Variants in NAALADL2 observed in about 807,000 individuals in gnomAD.
NAALADL2 encodes the protein N-acetylated alpha-linked acidic dipeptidase like 2, also known as inactive N-acetylated-alpha-linked acidic dipeptidase-like protein 2.
NAALADL2 carries 76 observed loss-of-function variants against 87.2 expected under a neutral mutation model. The ratio of observed to expected loss-of-function variants is 0.87; its 90% CI spans 0.72 to 1.05. NAALADL2 has a LOEUF of 1.05. Among genes scored for constraint, NAALADL2 ranks in the 50% least tolerant of loss-of-function variants. NAALADL2 has a pLI of 0.00. For synonymous variants in NAALADL2, 354 were observed against 331.0 expected, an observed-to-expected ratio of 1.07 and a Z score of -0.75; for missense variants, 1,089 against 945.8, an observed-to-expected ratio of 1.15 and a Z score of -1.99.
At chr3:174,882,828 CACGTGTGTATATGTGCATATGTGTATAT>C (rs1729566789) in intron 1 of NAALADL2, among the ~76,000 whole-genome samples, 1 of 142,908 alleles carries the variant, frequency 7.0e-6, no homozygotes, top group Non-Finnish European at 1.5e-5. Flanking sequence ...TGTATATATA[CACGTGTGTATATGTGCATATGTGTATAT>C]ATACATATGT....
chr3:174,818,124 T>C (rs17512678), intron 3 of NAALADL2, among the ~76,000 whole-genome samples: 2,373 of 152,286 alleles, frequency 0.016, 34 homozygotes, highest in Non-Finnish European at 0.018. Context: ...CACTCTGTTA[T>C]GCATCTTTAC....
chr3:174,537,214 T>A (rs1008715195), intron 1 of NAALADL2, among the ~76,000 whole-genome samples: 1 of 152,134 alleles, frequency 6.6e-6, no homozygotes, highest in Non-Finnish European at 1.5e-5. Context: ...TAAATTAATA[T>A]GGATTTGGAA....
chr3:175,705,985 AAAT>A (rs1328063944), intron 11 of NAALADL2, among the ~76,000 whole-genome samples: 1 of 152,178 alleles, frequency 6.6e-6, no homozygotes. Context: ...CGGCTTAATC[AAAT>A]AATAACCTTG....
rs1477130661 is a variant in NAALADL2, at chr3:175,162,392, C to T, written c.545+65101C>T. 3.3e-5 allele frequency among the ~76,000 whole-genome samples: 5 copies of T among 151,952 alleles called. 1 individual carries two copies. The highest frequency in any genetic ancestry group is 1.2e-4 in the African/African-American group (5 of 41,362). On this transcript the variant is annotated intron_variant, in intron 2 of 13. Coordinates refer to ENST00000454872, the MANE Select transcript of NAALADL2 (RefSeq NM_207015.3). ...AATAATGCAAACTACAGGTTGAAGT[C>T]GTATCAGTATGTTTAATATTTTATA...
chr3:174,496,745 T>G (rs1560015509), intron 1 of NAALADL2, among the ~76,000 whole-genome samples: 1 of 152,040 alleles, frequency 6.6e-6, no homozygotes, highest in Admixed American at 6.6e-5. Flanking sequence ...TAAATAACAG[T>G]GAACTCAAGT....
At chr3:174,879,218 C>G (rs1309319867) in intron 1 of NAALADL2, among the ~76,000 whole-genome samples, 1 of 151,950 alleles carries the variant, frequency 6.6e-6, no homozygotes, top group African/African-American at 2.4e-5. Flanking sequence ...TAAGATAAAT[C>G]TACTTATTAA....
intron 1 of NAALADL2, among the ~76,000 whole-genome samples, chr3:174,918,285 A>T (rs1204549924): frequency 1.3e-5 from 2 of 152,064 alleles, no homozygotes; most frequent in East Asian, 1.9e-4. Context: ...TGCATACTAT[A>T]AAAAAATATA....
At chr3:174,883,053 G>A (rs564877019) in intron 1 of NAALADL2, among the ~76,000 whole-genome samples, 2 of 152,134 alleles carry the variant, frequency 1.3e-5, no homozygotes, top group South Asian at 4.2e-4. Flanking sequence ...GGAGTCCGAT[G>A]TTCAAGGGCA....
At chr3:174,840,669 T>C (rs1288901788) in intron 3 of NAALADL2, among the ~76,000 whole-genome samples, 1 of 152,130 alleles carries the variant, frequency 6.6e-6, no homozygotes, top group Non-Finnish European at 1.5e-5. Context: ...ATTTCATAGG[T>C]ATCTCCCCAT....
chr3:175,303,751 A>G (rs1461762656), intron 4 of NAALADL2, among the ~76,000 whole-genome samples: 1 of 152,190 alleles, frequency 6.6e-6, no homozygotes. Context: ...TATTTTTCAC[A>G]GGTTAGAAAT....
At chr3:174,733,649 G>A (rs997428221) in intron 2 of NAALADL2, among the ~76,000 whole-genome samples, 2 of 152,164 alleles carry the variant, frequency 1.3e-5, no homozygotes, top group Non-Finnish European at 2.9e-5. Flanking sequence ...TTCAGTTTGG[G>A]TCCTGCTGCT....
At chr3:174,869,544 C>G (rs1727544481) in intron 1 of NAALADL2, among the ~76,000 whole-genome samples, 1 of 152,096 alleles carries the variant, frequency 6.6e-6, no homozygotes, top group African/African-American at 2.4e-5. Flanking sequence ...CGCTGGATTA[C>G]AGAGAGTCGG....
Position 174,710,852 on chromosome 3 carries a change from GA to G in NAALADL2, c.-114-26788del, listed in dbSNP as rs1730560940. Among the ~76,000 whole-genome samples, 4 of 152,266 alleles carry G rather than the reference GA, an allele frequency of 2.6e-5. No individual in the cohort carries two copies. In the South Asian group the frequency reaches 8.3e-4, roughly 32 times the overall value. On this transcript the variant is annotated intron_variant, in intron 2 of 3. Transcript: ENST00000434257. ...TACAGAGAATTACTCAGCCTAGCGA[GA>G]GCCTTGATTTCAGCCTTGCTATTTA...
intron 1 of NAALADL2, among the ~76,000 whole-genome samples, chr3:174,961,694 C>T (rs927197514): frequency 6.6e-6 from 1 of 151,950 alleles, no homozygotes; most frequent in African/African-American, 2.4e-5. Context: ...TATTATTAGC[C>T]ATTTGAGGGG....
At chr3:174,797,414 C>A (rs1033076113) in intron 3 of NAALADL2, among the ~76,000 whole-genome samples, 1 of 142,734 alleles carries the variant, frequency 7.0e-6, no homozygotes, top group Non-Finnish European at 1.5e-5. Flanking sequence ...CGGGTTCAAG[C>A]GATTCTCCTG....
intron 9 of NAALADL2, among the ~76,000 whole-genome samples, chr3:175,546,358 G>T (rs1162436705): frequency 6.6e-6 from 1 of 152,066 alleles, no homozygotes; most frequent in African/African-American, 2.4e-5. Context: ...GCCACTCTGT[G>T]TCTTTTAATT....
At chr3:175,187,644 C>CT (rs995345230) in intron 2 of NAALADL2, among the ~76,000 whole-genome samples, 14 of 151,362 alleles carry the variant, frequency 9.2e-5, no homozygotes, top group South Asian at 4.2e-4. Flanking sequence ...GAAGACACAT[C>CT]TTTTTTTTTA....
intron 1 of NAALADL2, among the ~76,000 whole-genome samples, chr3:174,541,446 G>A (rs1376203127): frequency 6.6e-6 from 1 of 152,262 alleles, no homozygotes; most frequent in African/African-American, 2.4e-5. Context: ...AAAGGTGATG[G>A]TTAAATAACA....
At chr3:175,120,661 C>T (rs1726013861) in intron 2 of NAALADL2, among the ~76,000 whole-genome samples, 1 of 151,776 alleles carries the variant, frequency 6.6e-6, no homozygotes, top group Admixed American at 6.6e-5. Context: ...ATTCAGCTCA[C>T]TTTTGCTATG....
Sources: gnomAD v4.1 joint callset for allele counts (sites outside exome capture counted in the v4.1 genomes callset) on GRCh38, gnomAD v4.1.1 for gene constraint, MANE v1.5 for transcripts, NCBI Gene and HGNC (gene_info 2026-07-23, HGNC 2026-07-21) for gene names.